MYO15B: variants seen among roughly 807,000 people sequenced by gnomAD.
MYO15B encodes the protein myosin XVB, also known as myosin XVB pseudogene.
Under a neutral mutation model 119.3 loss-of-function variants are expected in MYO15B, and 207 were observed. The observed-to-expected ratio is 1.73, with a 90% CI of 1.55 to 1.95. MYO15B has a LOEUF of 1.95. Ranked by LOEUF, MYO15B falls within the 30% of genes most tolerant of loss-of-function variation. MYO15B has a pLI of 0.00. For missense variants in MYO15B, 2,264 were observed against 1,203.1 expected, an observed-to-expected ratio of 1.88 and a Z score of -13.04; for synonymous variants, 966 against 498.9, an observed-to-expected ratio of 1.94 and a Z score of -12.48.
chr17:75,603,258 G>A, exon 19 of MYO15B: 2 of 703,090 alleles, frequency 2.8e-6, no homozygotes, highest in South Asian at 3.0e-5. Context: ...GAGGCCGTGG[G>A]CACCCGCAGT....
At position 75,591,971 on chromosome 17, in the gene MYO15B, G is replaced by C. The variant is rs1399621370; in HGVS notation, c.2548-6G>C. On this transcript the variant is annotated splice_polypyrimidine_tract_variant and splice_region_variant and intron_variant, in intron 5 of 63. Transcript: ENST00000645453. ...CAGGGATGCTTGAACACCCCTCCCT[G>C]TACAGGTGGAGGATATGCTGCCTAT... 2 of 702,354 alleles carry C rather than the reference G, an allele frequency of 2.8e-6. No homozygotes were observed. Among genetic ancestry groups the C allele is most frequent in the Non-Finnish European group, 5.2e-6 (2 of 384,858 alleles). The allele number at this position is 702,354 out of a possible 1,614,324, so 43.5% of individuals were successfully genotyped here.
chr17:75,615,234 C>T lies in MYO15B; in HGVS notation c.5642-6C>T. 1.4e-6 allele frequency: 1 copy of T among 701,176 alleles called. No individual in the cohort carries two copies. Among genetic ancestry groups the T allele is most frequent in the Non-Finnish European group, 2.6e-6 (1 of 383,822 alleles). 43.4% of individuals were successfully genotyped at this position (701,176 alleles called of 1,614,324 possible). A position where few individuals can be genotyped will look rare whatever the true frequency, so the allele number is the denominator to read the frequency against. The stretch of plus-strand genomic sequence containing the variant: ...AGGGACTGACAGGGAGGGCGTGTTC[C>T]CTCAGTGTACCCAGGAATGATTCAG... On this transcript the variant is annotated splice_region_variant and splice_polypyrimidine_tract_variant and intron_variant, in intron 33 of 63. Coordinates refer to ENST00000645453, the Ensembl canonical transcript of MYO15B.
exon 46 of MYO15B, chr17:75,619,729 C>G (rs915929933): frequency 2.8e-6 from 2 of 702,884 alleles, no homozygotes; most frequent in Non-Finnish European, 5.2e-6. Flanking sequence ...CCACCGTGGG[C>G]TGCGACTGCT....
intron 32 of MYO15B, 48 bp downstream of exon 32, chr17:75,614,897 C>T (rs2058270939): frequency 2.8e-6 from 2 of 702,772 alleles, no homozygotes; most frequent in Middle Eastern, 2.3e-4. Context: ...CCCCCCGGGG[C>T]CTCTGCTGCC....
At position 75,603,030 on chromosome 17, in the gene MYO15B, A is replaced by G. The variant is rs1383914347; in HGVS notation, c.3846-2A>G. The G allele has an allele frequency of 1.4e-6, 1 of 703,260 alleles. No homozygotes were observed. Among genetic ancestry groups the G allele is most frequent in the Non-Finnish European group, 2.6e-6 (1 of 385,032 alleles). The allele number at this position is 703,260 out of a possible 1,614,324, so 43.6% of individuals were successfully genotyped here. Reference sequence around the variant, plus strand: ...CCGAGTGACCCCTCTTTCCCTCATCAGGAGCCATGTCTATTTCATCCAGTG... The same window carrying G: ...CCGAGTGACCCCTCTTTCCCTCATCGGGAGCCATGTCTATTTCATCCAGTG... On this transcript the variant is annotated splice_acceptor_variant, in intron 17 of 63. Coordinates refer to ENST00000645453, the Ensembl canonical transcript of MYO15B. LOFTEE classifies it high-confidence loss of function.
chr17:75,609,713 T>G (rs1393153407), intron 21 of MYO15B, among the ~76,000 whole-genome samples: 59 of 110,922 alleles, frequency 5.3e-4, no homozygotes, highest in Non-Finnish European at 5.6e-5. Flanking sequence ...CCTCCCTCCC[T>G]CCCTCCCTTC....
chr17:75,611,048 T>G, intron 23 of MYO15B, 89 bp downstream of exon 23: 1 of 699,854 alleles, frequency 1.4e-6, no homozygotes, highest in South Asian at 1.5e-5. Context: ...GGTGCTACCG[T>G]GGGTCTTGTC....
chr17:75,607,226 G>C (rs1670992), intron 21 of MYO15B: 21,907 of 356,434 alleles, frequency 0.061, 2,191 homozygotes, highest in African/African-American at 0.29. Context: ...AGTAACTATT[G>C]CCCCCAAGAC....
In MYO15B at chr17:75,592,202, A is replaced by C. The variant is rs777765093; in HGVS notation, c.2652-36A>C. ...TGCACGGGGCCCCTGGGTGTTCTGC[A>C]TCCTGGGCACTCACACCCATCTTCT... On this transcript the variant is annotated intron_variant, in intron 6 of 63. Transcript: ENST00000645453. The C allele has an allele frequency of 1.7e-5, 12 of 702,232 alleles. 1 individual carries two copies. The highest frequency in any genetic ancestry group is 1.5e-4 in the South Asian group (10 of 67,576). The allele number at this position is 702,232 out of a possible 1,614,324, so 43.5% of individuals were successfully genotyped here.
At chr17:75,596,739 C>T (rs745864082) in intron 13 of MYO15B, 29 bp from the exon 14 acceptor site, 5 of 689,736 alleles carry the variant, frequency 7.2e-6, no homozygotes, top group Admixed American at 2.1e-5. Context: ...CCTGCTCCTG[C>T]AAAATGGCCA....
chr17:75,589,894 C>T lies in MYO15B; in HGVS notation c.1837C>T (p.Pro613Ser), dbSNP rs1445959556. 5.0e-6 allele frequency: 2 copies of T among 398,524 alleles called. No homozygotes were observed. Among genetic ancestry groups the T allele is most frequent in the African/African-American group, 2.1e-5 (1 of 48,630 alleles). The allele number at this position is 398,524 out of a possible 1,614,324, so 24.7% of individuals were successfully genotyped here. A position where few individuals can be genotyped will look rare whatever the true frequency, so the allele number is the denominator to read the frequency against. The change falls in exon 1 of 64, where the codon CCT (proline) becomes TCT (serine). Residue 613 changes from proline to serine, a missense_variant. Pro to Ser is a moderately conservative substitution (Grantham distance 74). Coordinates refer to ENST00000645453, the Ensembl canonical transcript of MYO15B. This position sits in a 1 kb window ranked among gnomAD's most constrained non-coding sequence, Gnocchi z 4.2. ...CCTTGCCCCGACTGCACCCGACGGG[C>T]CTTCCCTCGACGAGAGCGGCTCCAG... is the stretch of plus-strand genomic sequence containing the variant.
chr17:75,601,084 T>C (rs2057250546), intron 14 of MYO15B, among the ~76,000 whole-genome samples: 1 of 151,572 alleles, frequency 6.6e-6, no homozygotes, highest in Non-Finnish European at 1.5e-5. Flanking sequence ...TTTGTATTTT[T>C]AGTAGAGTTG....
chr17:75,598,360 C>T (rs1183634517), intron 14 of MYO15B, among the ~76,000 whole-genome samples: 2 of 151,542 alleles, frequency 1.3e-5, no homozygotes, highest in African/African-American at 4.8e-5. Context: ...GGACAGATCT[C>T]GAGGTCAGCA....
exon 39 of MYO15B, chr17:75,616,558 G>C: frequency 1.4e-6 from 1 of 703,048 alleles, no homozygotes; most frequent in Non-Finnish European, 2.6e-6. Context: ...TCGTGAAGAA[G>C]CCATTGAAGC....
chr17:75,602,494 C>G (rs1229768632), intron 15 of MYO15B, 23 bp from the exon 16 acceptor site: 1 of 703,000 alleles, frequency 1.4e-6, no homozygotes, highest in Non-Finnish European at 2.6e-6. Context: ...CACTTCCCTC[C>G]CCACCTGCAT....
chr17:75,599,316 C>G (rs2057088583), intron 14 of MYO15B, among the ~76,000 whole-genome samples: 7 of 151,586 alleles, frequency 4.6e-5, no homozygotes, highest in Admixed American at 4.6e-4. Context: ...TCGCTGTTGC[C>G]CAGGTTGGAG....
rs879086620 is a variant in MYO15B at position 75,621,496 on chromosome 17, C to G, written c.7936-5C>G. The G allele has an allele frequency of 4.3e-6, 3 of 701,664 alleles. No individual in the cohort carries two copies. The South Asian group carries it at 4.4e-5, about 10-fold the overall frequency. 43.5% of individuals were successfully genotyped at this position (701,664 alleles called of 1,614,324 possible). On this transcript the variant is annotated splice_region_variant and splice_polypyrimidine_tract_variant and intron_variant, in intron 51 of 63. Coordinates refer to ENST00000645453, the Ensembl canonical transcript of MYO15B. ...AGACCCATGGCCTCCTCTCTTTGGCCACAGGCTCCCATCCAGGAGTCGCTC... is the reference window on the plus strand; with the variant it reads ...AGACCCATGGCCTCCTCTCTTTGGCGACAGGCTCCCATCCAGGAGTCGCTC...
At chr17:75,602,666 G>A in intron 16 of MYO15B, 72 bp downstream of exon 16, 1 of 612,690 alleles carries the variant, frequency 1.6e-6, no homozygotes, top group Admixed American at 2.8e-5. Flanking sequence ...TTCCCCCTGG[G>A]CGCTCTTGCC....
chr17:75,594,466 T>C lies in MYO15B; in HGVS notation c.2992-9T>C. 1 of 598,044 alleles carries C rather than the reference T, an allele frequency of 1.7e-6. No homozygotes were observed. Among genetic ancestry groups the C allele is most frequent in the South Asian group, 2.0e-5 (1 of 50,620 alleles). The allele number at this position is 598,044 out of a possible 1,614,324, so 37.0% of individuals were successfully genotyped here. A position where few individuals can be genotyped will look rare whatever the true frequency, so the allele number is the denominator to read the frequency against. On this transcript the variant is annotated splice_polypyrimidine_tract_variant and intron_variant, in intron 9 of 63. Transcript: ENST00000645453. The stretch of plus-strand genomic sequence containing the variant: ...GCAGAGATCTCCCTGTCCCTCCCTC[T>C]CTGTGTAGCGAGAGTCCCAGGAGGT...
Sources: allele counts gnomAD v4.1 joint callset (sites outside exome capture counted in the v4.1 genomes callset), GRCh38; gene constraint gnomAD v4.1.1; non-coding constraint Gnocchi (gnomAD v3.1); transcripts MANE v1.5; gene names NCBI Gene and HGNC (gene_info 2026-07-23, HGNC 2026-07-21).